The following FHIP1A variants were observed in gnomAD, a reference collection of about 807,000 sequenced individuals.
FHIP1A encodes the protein FHF complex subunit HOOK-interacting protein 1A.
A neutral mutation model predicts 88.6 loss-of-function variants in FHIP1A; 61 were observed. That is an observed-to-expected ratio of 0.69 (90% CI 0.56 to 0.85). The LOEUF (loss-of-function observed/expected upper bound fraction) is 0.85. FHIP1A is among the 40% of genes least tolerant of loss of function. The pLI, the probability that FHIP1A is intolerant of heterozygous loss-of-function variation, is 0.00. For synonymous variants in FHIP1A, 478 were observed against 496.0 expected (o/e 0.96, Z 0.48); for missense variants, 1,154 against 1,273.5 (o/e 0.91, Z 1.43).
chr4:151,568,252 T>A (rs1185828284), intron 4 of FHIP1A, among the ~76,000 whole-genome samples: 1 of 152,230 alleles, frequency 6.6e-6, no homozygotes, highest in African/African-American at 2.4e-5. Flanking sequence ...GTACTCTCAG[T>A]GCAGACAAGT....
intron 1 of FHIP1A, among the ~76,000 whole-genome samples, chr4:151,423,520 T>C (rs193175514): frequency 1.3e-5 from 2 of 152,304 alleles, no homozygotes; most frequent in East Asian, 3.9e-4. Flanking sequence ...TACCAATTGG[T>C]AAATATGTGA....
At chr4:151,522,750 A>C (rs1000074548) in intron 3 of FHIP1A, among the ~76,000 whole-genome samples, 12 of 152,198 alleles carry the variant, frequency 7.9e-5, no homozygotes, top group Non-Finnish European at 1.8e-4. Context: ...GTATAAAATC[A>C]ATTTGTGTGT....
chr4:151,533,285 ACTGGG>A (rs748111131), intron 3 of FHIP1A, among the ~76,000 whole-genome samples: 7 of 152,098 alleles, frequency 4.6e-5, no homozygotes, highest in Non-Finnish European at 1.0e-4. Context: ...GGTCCCAGCT[ACTGGG>A]CTGGTGGTCG....
At chr4:151,457,371 T>C (rs187457227) in intron 2 of FHIP1A, among the ~76,000 whole-genome samples, 279 of 152,330 alleles carry the variant, frequency 1.8e-3, no homozygotes, top group Admixed American at 7.6e-3. Flanking sequence ...GCCTGAGCAG[T>C]GGCCTTCTGC....
At chr4:151,412,780 G>A (rs1732718770) in intron 1 of FHIP1A, among the ~76,000 whole-genome samples, 1 of 149,532 alleles carries the variant, frequency 6.7e-6, no homozygotes, top group South Asian at 2.1e-4. Flanking sequence ...TGCCTCCCGG[G>A]TTCAAGGGAT....
chr4:151,412,584 TTTCCTTCC>T (rs1193555902), intron 1 of FHIP1A, among the ~76,000 whole-genome samples: 7 of 115,250 alleles, frequency 6.1e-5, no homozygotes, highest in South Asian at 3.4e-4. Context: ...CTTTCCTTTC[TTTCCTTCC>T]TTCCTTCCTT....
chr4:151,649,846 T>C lies in FHIP1A; in HGVS notation c.1805T>C (p.Leu602Pro). The C allele has an allele frequency of 6.4e-7, 1 of 1,551,632 alleles. No homozygotes were observed. Reference protein sequence around the residue: ...DVGSPGPYDDLEVSGPPAPID... With the variant: ...DVGSPGPYDDPEVSGPPAPID... ...GGCTCCCCAGGGCCTTATGATGATC[T>C]GGAGGTTTCAGGCCCCCCAGCACCC... Residue 602 changes from leucine (L) to proline (P), a missense_variant, in exon 11 of 14, where the codon CTG becomes CCG. Physicochemically the swap from Leu to Pro is moderately conservative, Grantham distance 98. Transcript: ENST00000435205.
At position 151,635,399 on chromosome 4, in the gene FHIP1A, C is replaced by T. The variant is rs564198169; in HGVS notation, c.1147-3278C>T. Among the ~76,000 whole-genome samples the T allele has an allele frequency of 5.3e-5, 8 of 151,882 alleles. No individual in the cohort carries two copies. The East Asian group carries it at 9.6e-4, about 18-fold the overall frequency. On this transcript the variant is annotated intron_variant, in intron 8 of 13. Coordinates refer to ENST00000435205, the MANE Select transcript of FHIP1A (RefSeq NM_001109977.3). ...TATATATCTAAAAGAATTTAAAGCA[C>T]GATCTTGAACAGATATTTGTACACC...
intron 3 of FHIP1A, among the ~76,000 whole-genome samples, chr4:151,491,857 A>G (rs1328129057): frequency 2.0e-5 from 3 of 152,200 alleles, no homozygotes; most frequent in South Asian, 2.1e-4. Context: ...AGCTATTCTC[A>G]TATCAGACAA....
chr4:151,433,236 G>T (rs1733662538), intron 1 of FHIP1A, among the ~76,000 whole-genome samples: 1 of 151,564 alleles, frequency 6.6e-6, no homozygotes, highest in Non-Finnish European at 1.5e-5. Flanking sequence ...GAGAGAGGTG[G>T]CTGAGAGAGT....
At chr4:151,628,388 AATAG>A (rs1368007604) in intron 7 of FHIP1A, among the ~76,000 whole-genome samples, 3 of 152,182 alleles carry the variant, frequency 2.0e-5, no homozygotes, top group Admixed American at 6.5e-5. Flanking sequence ...AAACTGCCAA[AATAG>A]ATAGCTCCAA....
At chr4:151,592,974 T>C (rs1320202961) in intron 7 of FHIP1A, among the ~76,000 whole-genome samples, 2 of 152,258 alleles carry the variant, frequency 1.3e-5, no homozygotes, top group African/African-American at 4.8e-5. Context: ...TTCAGTTTTC[T>C]GCATATGGCT....
At chr4:151,535,549 G>A (rs959633938) in intron 3 of FHIP1A, among the ~76,000 whole-genome samples, 3 of 152,146 alleles carry the variant, frequency 2.0e-5, no homozygotes, top group Non-Finnish European at 1.5e-5. Flanking sequence ...ATATCTATGT[G>A]CATATGTGTA....
At chr4:151,467,007 C>T (rs895970991) in intron 2 of FHIP1A, among the ~76,000 whole-genome samples, 19 of 152,128 alleles carry the variant, frequency 1.2e-4, no homozygotes, top group African/African-American at 2.9e-4. Flanking sequence ...AGAGCTTCTG[C>T]GAAGCAAAAG....
intron 3 of FHIP1A, among the ~76,000 whole-genome samples, chr4:151,512,304 A>G (rs1394247324): frequency 6.6e-6 from 1 of 152,222 alleles, no homozygotes; most frequent in Non-Finnish European, 1.5e-5. Flanking sequence ...CCATCATCAA[A>G]GACCAAAAGT....
chr4:151,628,191 A>G (rs1295507105), intron 7 of FHIP1A, among the ~76,000 whole-genome samples: 1 of 152,132 alleles, frequency 6.6e-6, no homozygotes, highest in East Asian at 1.9e-4. Flanking sequence ...AGCTAGGGGA[A>G]GGGGATTTGC....
At chr4:151,491,531 A>G (rs1730281596) in intron 3 of FHIP1A, among the ~76,000 whole-genome samples, 1 of 151,978 alleles carries the variant, frequency 6.6e-6, no homozygotes, top group Non-Finnish European at 1.5e-5. Flanking sequence ...CCAAAATAGA[A>G]CCTCCTTAAA....
intron 1 of FHIP1A, among the ~76,000 whole-genome samples, chr4:151,431,120 C>G (rs1171565803): frequency 6.6e-6 from 1 of 152,172 alleles, no homozygotes; most frequent in East Asian, 1.9e-4. Context: ...TAAATATCTT[C>G]TTTAGCAGGC....
At chr4:151,627,954 G>A (rs1437186219) in intron 7 of FHIP1A, among the ~76,000 whole-genome samples, 1 of 152,164 alleles carries the variant, frequency 6.6e-6, no homozygotes, top group East Asian at 1.9e-4. Context: ...CATTAGGAGT[G>A]CTTCATATAT....
Sources: allele counts gnomAD v4.1 joint callset (sites outside exome capture counted in the v4.1 genomes callset), GRCh38; gene constraint gnomAD v4.1.1; transcripts MANE v1.5; gene names NCBI Gene and HGNC (gene_info 2026-07-23, HGNC 2026-07-21).